ADGRG4: variants seen among roughly 807,000 people sequenced by gnomAD.
The protein encoded by ADGRG4 is adhesion G protein-coupled receptor G4, also known as G protein-coupled receptor 112.
In ADGRG4, 122 loss-of-function variants were observed where a neutral mutation model predicts 126.2. That is an observed-to-expected ratio of 0.97 (90% CI 0.83 to 1.12). ADGRG4 has a LOEUF of 1.12. Ranked by LOEUF, ADGRG4 falls within the 50% of genes most tolerant of loss-of-function variation. ADGRG4 has a pLI of 0.00. For synonymous variants in ADGRG4, 943 were observed against 838.7 expected, an observed-to-expected ratio of 1.12 and a Z score of -2.15; for missense variants, 2,481 against 2,251.8, an observed-to-expected ratio of 1.10 and a Z score of -2.06.
rs200260004 is a variant in ADGRG4 at position 136,398,759 on chromosome X, AG to A, written c.8306+759del. Among the ~76,000 whole-genome samples, 89 of 112,062 alleles carry A rather than the reference AG, an allele frequency of 7.9e-4. 1 individual carries two copies. In the East Asian group the frequency reaches 0.016, roughly 20 times the overall value. ...TAAATATACATCTCGCTGTTGGCCC[AG>A]GAATTTCACTCTTAGATATATACTC... is the stretch of plus-strand genomic sequence containing the variant. On this transcript the variant is annotated intron_variant, in intron 20 of 25. Transcript: ENST00000394143.
intron 23 of ADGRG4, among the ~76,000 whole-genome samples, chrX:136,410,430 G>T (rs188134102): frequency 3.3e-4 from 37 of 111,727 alleles, no homozygotes; most frequent in African/African-American, 1.2e-3. Context: ...CCTCAGTCAA[G>T]ATTCTTTACT....
chrX:136,413,983 C>T (rs1420650268), intron 24 of ADGRG4, among the ~76,000 whole-genome samples, 177 bp from the exon 25 acceptor site: 7 of 111,273 alleles, frequency 6.3e-5, no homozygotes, highest in African/African-American at 2.0e-4. Flanking sequence ...TCAGGTGATC[C>T]GCCCGCCTCG....
At position 136,346,885 on chromosome X, in the gene ADGRG4, C is replaced by A; in HGVS notation, c.3179C>A (p.Thr1060Asn). 8.3e-7 allele frequency: 1 copy of A among 1,210,297 alleles called. No homozygotes were observed. The highest frequency in any genetic ancestry group is 1.1e-6 in the Non-Finnish European group (1 of 894,262). ...TCAAATCTATCCTCAACTACAATGA[C>A]CACAGCATTGGTACCACCTTTGGAT... ...DVSNLSSTTM[T>N]TALVPPLDQT... The change falls in exon 6 of 26, where the codon ACC becomes AAC. Residue 1060 changes from threonine (T) to asparagine (N), a missense_variant. By Grantham distance (65) the Thr-to-Asn change is moderately conservative. Coordinates refer to ENST00000394143, the MANE Select transcript of ADGRG4 (RefSeq NM_153834.4).
At chrX:136,354,453 GT>G (rs886568764) in intron 8 of ADGRG4, among the ~76,000 whole-genome samples, 3 of 110,627 alleles carry the variant, frequency 2.7e-5, no homozygotes, top group Admixed American at 9.6e-5. Context: ...AATTCAAACT[GT>G]TTTTTTTCCT....
intron 15 of ADGRG4, among the ~76,000 whole-genome samples, chrX:136,385,926 T>C (rs2075290300): frequency 8.9e-6 from 1 of 111,835 alleles, no homozygotes; most frequent in Non-Finnish European, 1.9e-5. Flanking sequence ...CGCTTTCCAT[T>C]CCAGATGTCC....
intron 16 of ADGRG4, among the ~76,000 whole-genome samples, chrX:136,389,161 G>T (rs749152341): frequency 9.0e-6 from 1 of 111,729 alleles, no homozygotes; most frequent in African/African-American, 3.2e-5. Context: ...TGTTCCTGTG[G>T]GCTTAGCTCA....
chrX:136,372,770 A>T, intron 14 of ADGRG4, 132 bp from the exon 15 acceptor site: 1 of 604,263 alleles, frequency 1.7e-6, no homozygotes, highest in Non-Finnish European at 2.6e-6. Context: ...GCTCTTATTT[A>T]ATAATTCCTA....
chrX:136,380,592 CTCCTCCTCCTCCTCT>C (rs2075254857), intron 15 of ADGRG4, among the ~76,000 whole-genome samples: 3 of 79,323 alleles, frequency 3.8e-5, no homozygotes, highest in East Asian at 7.3e-4. Context: ...CCTCCTCCTC[CTCCTCCTCCTCCTCT>C]TCTTCTTCTT....
chrX:136,306,183 T>G (rs1447321942), intron 3 of ADGRG4: 2 of 111,039 alleles, frequency 1.8e-5, no homozygotes, highest in East Asian at 5.7e-4. Context: ...TCTTCCTCCC[T>G]TCCTCCTTCC....
At chrX:136,339,081 C>A (rs772975208) in intron 5 of ADGRG4, among the ~76,000 whole-genome samples, 1 of 110,780 alleles carries the variant, frequency 9.0e-6, no homozygotes, top group East Asian at 2.8e-4. Flanking sequence ...GGGGCATCAC[C>A]CTACCAATGC....
chrX:136,349,844 C>T lies in ADGRG4; in HGVS notation c.6138C>T (p.Asp2046=), dbSNP rs1297031489. ...EVSKSTFLTS[D]MISAHPFTNL... is the part of the protein sequence containing the mutation. ...CAAAATCAACATTTCTGACATCTGA[C>T]ATGATATCAGCGCACCCATTCACTA... The change falls in exon 6 of 26, where the codon GAC becomes GAT. Residue 2046 remains aspartate, a synonymous_variant. Coordinates refer to ENST00000394143, the MANE Select transcript of ADGRG4 (RefSeq NM_153834.4). 2 of 1,207,625 alleles carry T rather than the reference C, an allele frequency of 1.7e-6. No homozygotes were observed. The highest frequency in any genetic ancestry group is 1.8e-5 in the African/African-American group (1 of 56,886).
intron 8 of ADGRG4, among the ~76,000 whole-genome samples, chrX:136,354,476 C>T (rs1386047038): frequency 9.0e-6 from 1 of 111,485 alleles, no homozygotes; most frequent in Non-Finnish European, 1.9e-5. Context: ...TGTTGTCATA[C>T]CAACACAACA....
chrX:136,304,409 C>G (rs1041466127), intron 2 of ADGRG4, among the ~76,000 whole-genome samples: 1 of 112,303 alleles, frequency 8.9e-6, no homozygotes, highest in African/African-American at 3.2e-5. Context: ...TTCCTCCCAC[C>G]CAAAACCCCT....
intron 23 of ADGRG4, among the ~76,000 whole-genome samples, chrX:136,407,088 T>C (rs1476060713): frequency 1.8e-5 from 2 of 111,457 alleles, no homozygotes; most frequent in African/African-American, 6.5e-5. Flanking sequence ...TCCAGTCCAT[T>C]TGGGCTACTG....
intron 15 of ADGRG4, among the ~76,000 whole-genome samples, chrX:136,379,702 G>T (rs1361670019): frequency 9.1e-6 from 1 of 110,266 alleles, no homozygotes; most frequent in African/African-American, 3.3e-5. Flanking sequence ...TATGTCTGCA[G>T]AACGTTGTTC....
At chrX:136,329,255 A>G (rs956873948) in intron 5 of ADGRG4, among the ~76,000 whole-genome samples, 2 of 111,805 alleles carry the variant, frequency 1.8e-5, no homozygotes, top group Non-Finnish European at 3.8e-5. Context: ...GAGGTGATAT[A>G]CCCAAATCAC....
In ADGRG4 at chrX:136,334,167, T is replaced by C. The variant is rs779514996; in HGVS notation, c.686-10225T>C. On this transcript the variant is annotated intron_variant, in intron 5 of 25. Transcript: ENST00000394143. The stretch of plus-strand genomic sequence containing the variant: ...CTTTTTCTTTCTTTTTTTTGGTCTA[T>C]TGATGTCCAGTTGCTTCAGTATTAA... Among the ~76,000 whole-genome samples the C allele has an allele frequency of 5.6e-5, 6 of 107,695 alleles. No homozygotes were observed. In the East Asian group the frequency reaches 8.8e-4, roughly 16 times the overall value. 93.5% of individuals were successfully genotyped at this position (107,695 alleles called of 115,157 possible). A position where few individuals can be genotyped will look rare whatever the true frequency, so the allele number is the denominator to read the frequency against.
intron 25 of ADGRG4, among the ~76,000 whole-genome samples, chrX:136,415,366 C>T (rs189029907): frequency 1.8e-5 from 2 of 111,629 alleles, no homozygotes; most frequent in Admixed American, 9.5e-5. Context: ...CACTCTGTGA[C>T]CTTGAGCACA....
At chrX:136,324,434 G>A (rs1287987250) in intron 5 of ADGRG4, among the ~76,000 whole-genome samples, 1 of 110,430 alleles carries the variant, frequency 9.1e-6, no homozygotes, top group East Asian at 2.8e-4. Context: ...TTAAGACACA[G>A]GGTCTCACTC....
Sources: allele counts gnomAD v4.1 joint callset (sites outside exome capture counted in the v4.1 genomes callset), GRCh38; gene constraint gnomAD v4.1.1; transcripts MANE v1.5; gene names NCBI Gene and HGNC (gene_info 2026-07-23, HGNC 2026-07-21).